CYP46A1: variants seen among roughly 807,000 people sequenced by gnomAD.
The protein encoded by CYP46A1 is cholesterol 24-hydroxylase.
CYP46A1 carries 20 observed loss-of-function variants against 63.3 expected under a neutral mutation model. The ratio of observed to expected loss-of-function variants is 0.32; its 90% CI spans 0.22 to 0.46. The LOEUF (loss-of-function observed/expected upper bound fraction) is 0.46, where lower values mean the gene tolerates loss of function less well. CYP46A1 is among the 20% of genes least tolerant of loss of function. The pLI is 1.00. For missense variants in CYP46A1, 445 were observed against 670.8 expected (o/e 0.66, Z 3.72); for synonymous variants, 268 against 273.6 (o/e 0.98, Z 0.20).
chr14:99,726,346 C>T (rs1431913149), intron 14 of CYP46A1, 90 bp downstream of exon 14: 4 of 1,085,350 alleles, frequency 3.7e-6, no homozygotes, highest in Non-Finnish European at 5.2e-6. Context: ...AACCCCTGCT[C>T]TGGGGCTGCT....
intron 1 of CYP46A1, among the ~76,000 whole-genome samples, chr14:99,687,584 C>T (rs937995084): frequency 3.3e-5 from 5 of 152,160 alleles, no homozygotes; most frequent in African/African-American, 1.2e-4. Context: ...GTGGGTAGCC[C>T]GCTCCTCCAC....
rs184200960 is a variant in CYP46A1, at chr14:99,694,157, A to G, written c.282+2296A>G. On this transcript the variant is annotated intron_variant, in intron 3 of 14. Coordinates refer to ENST00000261835, the MANE Select transcript of CYP46A1 (RefSeq NM_006668.2). The stretch of plus-strand genomic sequence containing the variant: ...AATTAATCTTGTAGCATGTTTCAGC[A>G]TTTCCTTCTCTAGTTGACATATGGC... Among the ~76,000 whole-genome samples the G allele has an allele frequency of 1.4e-3, 220 of 152,270 alleles. 2 individuals carry two copies. The highest frequency in any genetic ancestry group is 1.9e-3 in the Admixed American group (29 of 15,294).
At position 99,721,991 on chromosome 14, in the gene CYP46A1, A is replaced by G. The variant is rs200110496; in HGVS notation, c.1101A>G (p.Ala367=). 45 of 1,613,614 alleles carry G rather than the reference A, an allele frequency of 2.8e-5. No homozygotes were observed. In the South Asian group the frequency reaches 4.6e-4, roughly 17 times the overall value. The change falls in exon 12 of 15, where the codon GCA becomes GCG. Residue 367 remains alanine, a synonymous_variant. Coordinates refer to ENST00000261835, the MANE Select transcript of CYP46A1 (RefSeq NM_006668.2). ...LKESLRLYPP[A]WGTFRLLEEE... ...AGTCGCTGAGGCTGTACCCACCAGC[A>G]TGGGGCACCTTTCGCCTGCTGGAAG...
At position 99,702,096 on chromosome 14, in the gene CYP46A1, G is replaced by A. The variant is rs150237709; in HGVS notation, c.443+1995G>A. Among the ~76,000 whole-genome samples, 1,071 of 145,658 alleles carry A rather than the reference G, an allele frequency of 7.4e-3. 7 individuals are homozygous for A. The highest frequency in any genetic ancestry group is 0.013 in the South Asian group (59 of 4,542). ...AAAAAAAAAAAAAAAAAAAAAGGCA[G>A]TCATTCCTCATTTCTTCCCAATTCC... On this transcript the variant is annotated intron_variant, in intron 5 of 14. Coordinates refer to ENST00000261835, the MANE Select transcript of CYP46A1 (RefSeq NM_006668.2).
At position 99,725,458 on chromosome 14, in the gene CYP46A1, G is replaced by A. The variant is rs1433111123; in HGVS notation, c.1244G>A (p.Arg415His). Residue 415 changes from arginine to histidine, a missense_variant, in exon 13 of 15, where the codon CGC (arginine) becomes CAC (histidine). By Grantham distance (29) the Arg-to-His change is conservative. Around this residue, in one of 4 missense-constraint regions of CYP46A1, gnomAD observed 95 missense variants for 156.9 expected, o/e 0.61. Transcript: ENST00000261835. The surrounding 1 kb of genome is among the most constrained non-coding windows in gnomAD (Gnocchi z 4.2). ...GACCCGCTGACTTTCAACCCCGATCGCTTCGGCCCTGGAGCACCCAAGTAA... is the reference window on the plus strand; with the variant it reads ...GACCCGCTGACTTTCAACCCCGATCACTTCGGCCCTGGAGCACCCAAGTAA... ...FEDPLTFNPD[R>H]FGPGAPKPRF... 5 of 1,614,050 alleles carry A rather than the reference G, an allele frequency of 3.1e-6. No homozygotes were observed. Among genetic ancestry groups the A allele is most frequent in the South Asian group, 1.1e-5 (1 of 91,080 alleles).
At chr14:99,726,376 C>A in intron 14 of CYP46A1, 120 bp downstream of exon 14, 1 of 1,110,872 alleles carries the variant, frequency 9.0e-7, no homozygotes, top group Non-Finnish European at 1.3e-6. Context: ...GCTCGGGACC[C>A]AGCGGAGCCA....
intron 1 of CYP46A1, 39 bp downstream of exon 1, chr14:99,684,575 G>A: frequency 7.1e-7 from 1 of 1,408,622 alleles, no homozygotes; most frequent in Non-Finnish European, 9.3e-7. Flanking sequence ...TGGGGTGCTG[G>A]GACTGGGGGC....
rs1021377774 is a variant in CYP46A1, at chr14:99,686,600, A to G, written c.119+2064A>G. On this transcript the variant is annotated intron_variant, in intron 1 of 14. Coordinates refer to ENST00000261835, the MANE Select transcript of CYP46A1 (RefSeq NM_006668.2). ...CATTTCATATAAATGGAATCATACAATATGTGGCCTTTTGTGTCTGGCTTC... is the reference window on the plus strand; with the variant it reads ...CATTTCATATAAATGGAATCATACAGTATGTGGCCTTTTGTGTCTGGCTTC... Among the ~76,000 whole-genome samples, 9 of 152,274 alleles carry G rather than the reference A, an allele frequency of 5.9e-5. No homozygotes were observed. The South Asian group carries it at 1.2e-3, about 21-fold the overall frequency.
chr14:99,684,651 T>C, intron 1 of CYP46A1, 115 bp downstream of exon 1: 1 of 878,152 alleles, frequency 1.1e-6, no homozygotes, highest in Non-Finnish European at 1.8e-6. Context: ...GCGCGGCCGC[T>C]GGGAGTCGGC....
At chr14:99,706,973 G>T (rs1345973947) in intron 6 of CYP46A1, among the ~76,000 whole-genome samples, 188 bp downstream of exon 6, 1 of 152,206 alleles carries the variant, frequency 6.6e-6, no homozygotes, top group Non-Finnish European at 1.5e-5. Flanking sequence ...GTGTGAGATT[G>T]GGGCTAGTAA....
intron 5 of CYP46A1, among the ~76,000 whole-genome samples, chr14:99,705,019 G>C (rs1206082930): frequency 6.6e-6 from 1 of 152,210 alleles, no homozygotes; most frequent in African/African-American, 2.4e-5. Flanking sequence ...GCGAGAAGCA[G>C]ACTCCAGCTC....
At position 99,684,671 on chromosome 14, in the gene CYP46A1, A is replaced by G. The variant is rs992759860; in HGVS notation, c.119+135A>G. ...GCCGCTGGGAGTCGGCGGCCCCGAG[A>G]GGGGCGCTAACTATTCTTAGTAACA... is the stretch of plus-strand genomic sequence containing the variant. On this transcript the variant is annotated intron_variant, in intron 1 of 14. Coordinates refer to ENST00000261835, the MANE Select transcript of CYP46A1 (RefSeq NM_006668.2). 10 of 721,348 alleles carry G rather than the reference A, an allele frequency of 1.4e-5. 1 individual carries two copies. Among genetic ancestry groups the G allele is most frequent in the Admixed American group, 1.3e-4 (6 of 46,902 alleles). 44.7% of individuals were successfully genotyped at this position (721,348 alleles called of 1,614,324 possible). A position where few individuals can be genotyped will look rare whatever the true frequency, so the allele number is the denominator to read the frequency against.
Position 99,715,976 on chromosome 14 carries a change from C to A in CYP46A1, c.844+16C>A. On this transcript the variant is annotated intron_variant, in intron 8 of 14. Coordinates refer to ENST00000261835, the MANE Select transcript of CYP46A1 (RefSeq NM_006668.2). ...ATTCTGAAAGGTGCAAGGGCCCCCT[C>A]TGCGGACTGGGGAGGGCGGGGTGGG... is the stretch of plus-strand genomic sequence containing the variant. 1 of 1,090,772 alleles carries A rather than the reference C, an allele frequency of 9.2e-7. No homozygotes were observed. The highest frequency in any genetic ancestry group is 1.3e-5 in the South Asian group (1 of 79,288). The allele number at this position is 1,090,772 out of a possible 1,614,324, so 67.6% of individuals were successfully genotyped here.
At position 99,722,141 on chromosome 14, in the gene CYP46A1, G is replaced by A; in HGVS notation, c.1176+75G>A. 1 of 1,138,768 alleles carries A rather than the reference G, an allele frequency of 8.8e-7. No homozygotes were observed. The highest frequency in any genetic ancestry group is 1.3e-6 in the Non-Finnish European group (1 of 776,474). 70.5% of individuals were successfully genotyped at this position (1,138,768 alleles called of 1,614,324 possible). On this transcript the variant is annotated intron_variant, in intron 12 of 14. Coordinates refer to ENST00000261835, the MANE Select transcript of CYP46A1 (RefSeq NM_006668.2). This position sits in a 1 kb window ranked among gnomAD's most constrained non-coding sequence, Gnocchi z 4.6. ...ATGGTGGTGAATTTGGGACTCACCA[G>A]GGGAGCCTGTGGCCCTGTTCCCATC...
chr14:99,720,164 G>GT (rs1423954765), intron 10 of CYP46A1, among the ~76,000 whole-genome samples: 1 of 152,162 alleles, frequency 6.6e-6, no homozygotes, highest in African/African-American at 2.4e-5. Context: ...TGCTCCTACC[G>GT]TTTGTCTATT....
Position 99,716,159 on chromosome 14 carries a change from C to T in CYP46A1, c.867C>T (p.Asp289=), listed in dbSNP as rs768106991. 16 of 1,614,230 alleles carry T rather than the reference C, an allele frequency of 9.9e-6. No homozygotes were observed. Among genetic ancestry groups the T allele is most frequent in the East Asian group, 2.2e-5 (1 of 44,884 alleles). The change falls in exon 9 of 15, where the codon GAC becomes GAT. Residue 289 remains aspartate, a synonymous_variant. Coordinates refer to ENST00000261835, the MANE Select transcript of CYP46A1 (RefSeq NM_006668.2). ...ILKAEEGAQD[D]EGLLDNFVTF... ...CAGCTGAAGAGGGAGCCCAGGACGA[C>T]GAGGGTCTGCTGGACAACTTCGTCA...
At chr14:99,720,920 A>C (rs913636111) in intron 10 of CYP46A1, among the ~76,000 whole-genome samples, 4 of 151,382 alleles carry the variant, frequency 2.6e-5, no homozygotes, top group African/African-American at 7.3e-5. Flanking sequence ...CCCTGTCTCT[A>C]CTAAAAATAC....
intron 5 of CYP46A1, among the ~76,000 whole-genome samples, chr14:99,701,867 C>T (rs924387450): frequency 1.4e-4 from 22 of 152,124 alleles, no homozygotes; most frequent in African/African-American, 4.1e-4. Context: ...ATCAGGAGTT[C>T]ATGACCAGCC....
At position 99,722,860 on chromosome 14, in the gene CYP46A1, G is replaced by C. The variant is rs558433057; in HGVS notation, c.1176+794G>C. On this transcript the variant is annotated intron_variant, in intron 12 of 14. Transcript: ENST00000261835. This position sits in a 1 kb window ranked among gnomAD's most constrained non-coding sequence, Gnocchi z 4.6. Reference sequence around the variant, plus strand: ...TCCCTATCTCGAGCACCACAGCAACGATGCCATTTCTGTCCGCATGTCCAG... The same window carrying C: ...TCCCTATCTCGAGCACCACAGCAACCATGCCATTTCTGTCCGCATGTCCAG... 6 of 447,190 alleles carry C rather than the reference G, an allele frequency of 1.3e-5. No homozygotes were observed. Among genetic ancestry groups the C allele is most frequent in the Non-Finnish European group, 2.7e-5 (6 of 220,322 alleles). 27.7% of individuals were successfully genotyped at this position (447,190 alleles called of 1,614,324 possible).
Sources: allele counts gnomAD v4.1 joint callset (sites outside exome capture counted in the v4.1 genomes callset), GRCh38; gene constraint gnomAD v4.1.1; regional missense constraint gnomAD v4.1.1; non-coding constraint Gnocchi (gnomAD v3.1); transcripts MANE v1.5; gene names NCBI Gene and HGNC (gene_info 2026-07-23, HGNC 2026-07-21).